Variants in CSMD1 observed in about 807,000 individuals in gnomAD.
The protein encoded by CSMD1 is CUB and sushi domain-containing protein 1.
In CSMD1, 213 loss-of-function variants were observed where a neutral mutation model predicts 417.5. The observed-to-expected ratio is 0.51, with a 90% CI of 0.46 to 0.57. CSMD1 has a LOEUF of 0.57. Among genes scored for constraint, CSMD1 ranks in the 20% least tolerant of loss-of-function variants. CSMD1 has a pLI of 0.00. For missense variants in CSMD1, 6,923 were observed against 4,529.7 expected (o/e 1.53, Z -15.17); for synonymous variants, 2,862 against 1,736.8 (o/e 1.65, Z -16.11).
Position 3,825,359 on chromosome 8 carries a change from G to A in CSMD1, c.819-71317C>T, listed in dbSNP as rs1430425802. On this transcript the variant is annotated intron_variant, in intron 5 of 69. Coordinates refer to ENST00000635120, the MANE Select transcript of CSMD1 (RefSeq NM_033225.6). ...AGCTTGGCCAACATGGTGAAACCTT[G>A]TCTGTAGTAAAAATACAAAATTAGC... is the stretch of plus-strand genomic sequence containing the variant. Among the ~76,000 whole-genome samples, 6 of 152,124 alleles carry A rather than the reference G, an allele frequency of 3.9e-5. No individual in the cohort carries two copies. In the East Asian group the frequency reaches 1.2e-3, roughly 29 times the overall value.
intron 3 of CSMD1, among the ~76,000 whole-genome samples, chr8:4,337,552 G>A (rs535855236): frequency 9.9e-5 from 15 of 152,176 alleles, no homozygotes; most frequent in South Asian, 2.1e-4. Context: ...TAAACTCAGC[G>A]ATGAAGTACA....
At chr8:4,025,916 G>T (rs1275592239) in intron 4 of CSMD1, among the ~76,000 whole-genome samples, 2 of 150,948 alleles carry the variant, frequency 1.3e-5, no homozygotes, top group African/African-American at 4.9e-5. Flanking sequence ...ATTATTCAGG[G>T]AAAATATTGC....
chr8:3,385,538 C>A (rs1810955061), intron 18 of CSMD1, among the ~76,000 whole-genome samples: 1 of 152,014 alleles, frequency 6.6e-6, no homozygotes, highest in Admixed American at 6.6e-5. Flanking sequence ...ATCTTCAAAG[C>A]AATGTTACAC....
At chr8:3,510,115 A>G (rs1797001456) in intron 10 of CSMD1, among the ~76,000 whole-genome samples, 1 of 149,454 alleles carries the variant, frequency 6.7e-6, no homozygotes, top group Non-Finnish European at 1.5e-5. Context: ...GCCTGAACAT[A>G]AGGACATGAA....
chr8:3,681,887 C>G (rs1380804866), intron 7 of CSMD1, among the ~76,000 whole-genome samples: 1 of 152,120 alleles, frequency 6.6e-6, no homozygotes, highest in Non-Finnish European at 1.5e-5. Context: ...AATAATACCA[C>G]ACATCTACGA....
intron 10 of CSMD1, among the ~76,000 whole-genome samples, chr8:3,495,327 G>A (rs187661259): frequency 6.6e-6 from 1 of 152,240 alleles, no homozygotes; most frequent in Admixed American, 6.5e-5. Flanking sequence ...ACTCAGTCCT[G>A]ACTTGTTTAA....
At chr8:3,253,733 C>G (rs535896231) in intron 26 of CSMD1, among the ~76,000 whole-genome samples, 78 of 152,046 alleles carry the variant, frequency 5.1e-4, no homozygotes, top group Non-Finnish European at 1.0e-3. Context: ...CTTGGTAGAT[C>G]TTCCTCCATC....
intron 10 of CSMD1, among the ~76,000 whole-genome samples, chr8:3,514,779 C>G (rs1019020604): frequency 8.6e-5 from 13 of 151,962 alleles, no homozygotes; most frequent in Non-Finnish European, 7.4e-5. Flanking sequence ...GCACATGATC[C>G]TTTAGTGATT....
intron 2 of CSMD1, among the ~76,000 whole-genome samples, chr8:4,501,609 TAA>T (rs925903465): frequency 1.3e-5 from 2 of 152,150 alleles, no homozygotes; most frequent in Non-Finnish European, 2.9e-5. Flanking sequence ...AAATAATGTA[TAA>T]GTTTTAAATT....
At chr8:3,165,492 T>C (rs1039669774) in intron 37 of CSMD1, among the ~76,000 whole-genome samples, 1 of 152,070 alleles carries the variant, frequency 6.6e-6, no homozygotes, top group Non-Finnish European at 1.5e-5. Context: ...AGTGCAGTGG[T>C]GTGATCTCAG....
At chr8:4,983,451 T>C (rs1246078391) in intron 1 of CSMD1, among the ~76,000 whole-genome samples, 1 of 152,214 alleles carries the variant, frequency 6.6e-6, no homozygotes, top group Non-Finnish European at 1.5e-5. Flanking sequence ...TGCCCTTCAG[T>C]TCTCCAGGAC....
intron 2 of CSMD1, among the ~76,000 whole-genome samples, chr8:4,626,826 C>G (rs191496150): frequency 9.9e-5 from 15 of 152,250 alleles, no homozygotes; most frequent in Admixed American, 2.0e-4. Context: ...AGTTAATACT[C>G]CAGGTTCTAA....
At chr8:4,259,065 T>C (rs1201748130) in intron 3 of CSMD1, among the ~76,000 whole-genome samples, 2 of 152,158 alleles carry the variant, frequency 1.3e-5, no homozygotes, top group East Asian at 3.9e-4. Context: ...CTGCTTTGAG[T>C]TTGAACGCTG....
chr8:3,943,178 T>C (rs904075812), intron 5 of CSMD1, among the ~76,000 whole-genome samples: 1 of 152,106 alleles, frequency 6.6e-6, no homozygotes, highest in African/African-American at 2.4e-5. Context: ...AATGACTCAA[T>C]TGAGGATGTT....
intron 25 of CSMD1, among the ~76,000 whole-genome samples, chr8:3,287,602 TTGTC>T (rs1803256004): frequency 6.6e-6 from 1 of 152,178 alleles, no homozygotes; most frequent in African/African-American, 2.4e-5. Flanking sequence ...GGCTCTCTGT[TTGTC>T]TGTTATTGGC....
chr8:4,706,944 G>A (rs1331502663), intron 1 of CSMD1, among the ~76,000 whole-genome samples: 1 of 152,230 alleles, frequency 6.6e-6, no homozygotes, highest in Non-Finnish European at 1.5e-5. Flanking sequence ...TTGCTCATCT[G>A]AAGCTTGGCA....
chr8:4,326,893 C>G (rs1055281270), intron 3 of CSMD1, among the ~76,000 whole-genome samples: 2 of 151,888 alleles, frequency 1.3e-5, no homozygotes, highest in Admixed American at 6.6e-5. Flanking sequence ...TTACATAGAC[C>G]ATGTATAGGA....
At chr8:4,614,284 C>T (rs918839013) in intron 2 of CSMD1, among the ~76,000 whole-genome samples, 8 of 152,260 alleles carry the variant, frequency 5.3e-5, no homozygotes, top group East Asian at 1.9e-4. Context: ...CACACCTAAA[C>T]GGACTGGACA....
chr8:3,972,179 C>G (rs139420808), intron 5 of CSMD1, among the ~76,000 whole-genome samples: 11 of 151,742 alleles, frequency 7.2e-5, no homozygotes, highest in African/African-American at 2.7e-4. Flanking sequence ...CCTTCTAAGA[C>G]CATAGATGTG....
Sources: gnomAD v4.1 joint callset for allele counts (sites outside exome capture counted in the v4.1 genomes callset) on GRCh38, gnomAD v4.1.1 for gene constraint, MANE v1.5 for transcripts, NCBI Gene and HGNC (gene_info 2026-07-23, HGNC 2026-07-21) for gene names.